Variants in CACNA1A observed in about 807,000 individuals in gnomAD.
The protein encoded by CACNA1A is calcium voltage-gated channel subunit alpha1 A, also known as voltage-dependent P/Q-type calcium channel subunit alpha-1A.
CACNA1A carries 57 observed loss-of-function variants against 262.4 expected under a neutral mutation model. That is an observed-to-expected ratio of 0.22 (90% CI 0.18 to 0.27). CACNA1A has a LOEUF of 0.27. Among genes scored for constraint, CACNA1A ranks in the 10% least tolerant of loss-of-function variants. The probability of loss-of-function intolerance (pLI) is 1.00; values close to 1 mark genes in which losing one functional copy is unlikely to be tolerated. For missense variants in CACNA1A, 2,526 were observed against 3,562.8 expected, an observed-to-expected ratio of 0.71 and a Z score of 7.41; for synonymous variants, 1,431 against 1,419.3, an observed-to-expected ratio of 1.01 and a Z score of -0.18.
At position 13,212,538 on chromosome 19, in the gene CACNA1A, A is replaced by G; in HGVS notation, c.6051-16T>C. 6.4e-7 allele frequency: 1 copy of G among 1,553,552 alleles called. No homozygotes were observed. Among genetic ancestry groups the G allele is most frequent in the Non-Finnish European group, 8.7e-7 (1 of 1,146,462 alleles). Reference sequence around the variant, plus strand: ...GTGAGCCATCCTGCATGGGGGACAGAGGCCGGGGTAGCAGTGGGCGCTTGG... The same window carrying G: ...GTGAGCCATCCTGCATGGGGGACAGGGGCCGGGGTAGCAGTGGGCGCTTGG... On this transcript the variant is annotated splice_polypyrimidine_tract_variant and intron_variant, in intron 41 of 46. Coordinates refer to ENST00000360228, the MANE Select transcript of CACNA1A (RefSeq NM_001127222.2). The surrounding 1 kb of genome is among the most constrained non-coding windows in gnomAD (Gnocchi z 5.6).
rs748652953 is a variant in CACNA1A at position 13,275,961 on chromosome 19, G to C, written c.3883-5C>G. The C allele has an allele frequency of 1.1e-5, 18 of 1,599,528 alleles. No individual in the cohort carries two copies. Among genetic ancestry groups the C allele is most frequent in the Middle Eastern group, 3.3e-4 (2 of 6,048 alleles). On this transcript the variant is annotated splice_region_variant and splice_polypyrimidine_tract_variant and intron_variant, in intron 23 of 46. Transcript: ENST00000360228. The stretch of plus-strand genomic sequence containing the variant: ...GACGAGCCCCAGGTCAATCATCTGT[G>C]GGGGAGAAGAGAGGGTGCTCAGAAC...
At chr19:13,473,127 C>T (rs1978289936) in intron 1 of CACNA1A, among the ~76,000 whole-genome samples, 1 of 151,962 alleles carries the variant, frequency 6.6e-6, no homozygotes, top group Non-Finnish European at 1.5e-5. Context: ...GTGGTGCACG[C>T]CTGTAAGTCC....
At chr19:13,464,063 T>C (rs2061174701) in intron 1 of CACNA1A, among the ~76,000 whole-genome samples, 1 of 152,190 alleles carries the variant, frequency 6.6e-6, no homozygotes, top group Non-Finnish European at 1.5e-5. Flanking sequence ...GAGTGTTTTA[T>C]ATTGTTTATT....
At chr19:13,268,503 G>A (rs1330697627) in intron 24 of CACNA1A, among the ~76,000 whole-genome samples, 1 of 149,456 alleles carries the variant, frequency 6.7e-6, no homozygotes, top group East Asian at 2.0e-4. Flanking sequence ...GCAAGATCTC[G>A]GCTCACTGCA....
chr19:13,240,610 ATT>A (rs1426912239), intron 31 of CACNA1A, among the ~76,000 whole-genome samples: 2 of 141,056 alleles, frequency 1.4e-5, no homozygotes, highest in African/African-American at 2.7e-5. Flanking sequence ...GTGCGCAGTG[ATT>A]GTGTGTGTGC....
chr19:13,278,952 G>A (rs2057218983), intron 22 of CACNA1A, among the ~76,000 whole-genome samples: 1 of 152,130 alleles, frequency 6.6e-6, no homozygotes, highest in African/African-American at 2.4e-5. Flanking sequence ...ATGGTGGTGG[G>A]AGAGTATTTC....
chr19:13,482,166 A>G (rs953754552), intron 1 of CACNA1A, among the ~76,000 whole-genome samples: 10 of 152,128 alleles, frequency 6.6e-5, no homozygotes, highest in African/African-American at 2.2e-4. Flanking sequence ...AACCATCACC[A>G]CCACTGCTAC....
chr19:13,334,676 A>AGACTGGG (rs2145134929), intron 7 of CACNA1A, among the ~76,000 whole-genome samples, 183 bp from the exon 8 acceptor site: 1 of 151,782 alleles, frequency 6.6e-6, no homozygotes, highest in South Asian at 2.1e-4. Context: ...TTCTGGGAAA[A>AGACTGGG]GACTGGGATA....
intron 31 of CACNA1A, among the ~76,000 whole-genome samples, chr19:13,240,504 G>T (rs1417397199): frequency 6.6e-6 from 1 of 151,626 alleles, no homozygotes; most frequent in African/African-American, 2.4e-5. Context: ...GTGCCAGTGT[G>T]TGTACATAGT....
chr19:13,210,467 G>A, intron 44 of CACNA1A, 150 bp downstream of exon 44: 3 of 688,116 alleles, frequency 4.4e-6, no homozygotes, highest in East Asian at 2.7e-5. Context: ...CCACACACAA[G>A]GATTGGGCTC....
intron 2 of CACNA1A, among the ~76,000 whole-genome samples, chr19:13,454,021 C>T (rs578249780): frequency 1.3e-5 from 2 of 151,914 alleles, no homozygotes; most frequent in South Asian, 2.1e-4. Context: ...CTCCTAAAAC[C>T]CTTGGGATCT....
Position 13,268,088 on chromosome 19 carries a change from A to G in CACNA1A, c.3990-5255T>C, listed in dbSNP as rs117494866. On this transcript the variant is annotated intron_variant, in intron 24 of 46. Coordinates refer to ENST00000360228, the MANE Select transcript of CACNA1A (RefSeq NM_001127222.2). ...CAAGACTCTGTCTCTTAAAACAAAC[A>G]ACCAACCAACTCAGGTCTGTGGAAT... Among the ~76,000 whole-genome samples, 1,063 of 152,152 alleles carry G rather than the reference A, an allele frequency of 7.0e-3. 6 individuals carry two copies. Among genetic ancestry groups the G allele is most frequent in the Non-Finnish European group, 0.012 (797 of 67,982 alleles).
chr19:13,486,566 T>C (rs969123419), intron 1 of CACNA1A, among the ~76,000 whole-genome samples: 4 of 151,850 alleles, frequency 2.6e-5, no homozygotes, highest in African/African-American at 7.3e-5. Context: ...AGATGACGAG[T>C]TGGCAAGACG....
At chr19:13,247,920 G>A (rs2056292895) in intron 30 of CACNA1A, among the ~76,000 whole-genome samples, 1 of 152,028 alleles carries the variant, frequency 6.6e-6, no homozygotes, top group Non-Finnish European at 1.5e-5. Flanking sequence ...TGTCTGATGG[G>A]CACTGGAGGA....
intron 3 of CACNA1A, among the ~76,000 whole-genome samples, chr19:13,441,667 GAAAAAAAA>G (rs758379687): frequency 1.8e-5 from 2 of 113,888 alleles, no homozygotes; most frequent in South Asian, 6.0e-4. Context: ...CTGTCTCGAG[GAAAAAAAA>G]AAAAAAAAAA....
intron 12 of CACNA1A, among the ~76,000 whole-genome samples, chr19:13,310,797 T>G (rs2058020112): frequency 6.8e-6 from 1 of 147,992 alleles, no homozygotes; most frequent in Admixed American, 6.8e-5. Context: ...AAATTTTTCT[T>G]TTTTTTTTTT....
chr19:13,328,739 G>A (rs1318635370), intron 10 of CACNA1A, among the ~76,000 whole-genome samples: 2 of 152,068 alleles, frequency 1.3e-5, no homozygotes, highest in African/African-American at 4.8e-5. Flanking sequence ...ACAAACCATA[G>A]TGTATCCACC....
chr19:13,286,647 G>C lies in CACNA1A; in HGVS notation c.3409C>G (p.Pro1137Ala), dbSNP rs199793367. The C allele has an allele frequency of 6.9e-4, 1,068 of 1,543,218 alleles. No individual in the cohort carries two copies. The highest frequency in any genetic ancestry group is 8.7e-4 in the Non-Finnish European group (1,000 of 1,144,728). Reference sequence around the variant, plus strand: ...ATAAGGCTATTCTCGGGGGTCTTGGGGGGGCCGGGATTGGATGGGTTCCCC... The same window carrying C: ...ATAAGGCTATTCTCGGGGGTCTTGGCGGGGCCGGGATTGGATGGGTTCCCC... The part of the protein sequence containing the change: ...NPGNPSNPGP[P>A]KTPENSLIVT... Residue 1137 changes from proline (P) to alanine (A), a missense_variant, in exon 20 of 47, where the codon CCC (proline) becomes GCC (alanine). Around this residue, in one of 17 missense-constraint regions of CACNA1A, gnomAD observed 765 missense variants for 748.6 expected, o/e 1.02. Coordinates refer to ENST00000360228, the MANE Select transcript of CACNA1A (RefSeq NM_001127222.2).
chr19:13,296,084 A>T (rs2057660652), intron 19 of CACNA1A, among the ~76,000 whole-genome samples: 1 of 152,188 alleles, frequency 6.6e-6, no homozygotes, highest in Non-Finnish European at 1.5e-5. Flanking sequence ...TATCAGAATT[A>T]CTTCACTATG....
Sources: gnomAD v4.1 joint callset for allele counts (sites outside exome capture counted in the v4.1 genomes callset) on GRCh38, gnomAD v4.1.1 for gene constraint, gnomAD v4.1.1 regional missense constraint, Gnocchi (gnomAD v3.1) non-coding constraint, MANE v1.5 for transcripts, NCBI Gene and HGNC (gene_info 2026-07-23, HGNC 2026-07-21) for gene names.